DPT: variants seen among roughly 807,000 people sequenced by gnomAD.
The protein encoded by DPT is tyrosine-rich acidic matrix protein.
DPT carries 21 observed loss-of-function variants against 31.2 expected under a neutral mutation model. The observed-to-expected ratio is 0.67, with a 90% confidence interval of 0.48 to 0.97. The LOEUF (loss-of-function observed/expected upper bound fraction) is 0.97. Ranked by LOEUF, DPT falls within the 50% of genes least tolerant of loss-of-function variation. DPT has a pLI of 0.00. For synonymous variants in DPT, 91 were observed against 86.9 expected (o/e 1.05, Z -0.26); for missense variants, 262 against 258.8 (o/e 1.01, Z -0.08).
rs201706806 is a variant in DPT, at chr1:168,696,509, C to T, written c.*40G>A. ...ACATATGTGGACACCCTCCTGTCCCCGGCCCCTTTCCTTTCACCCAGATTT... is the reference window on the plus strand; with the variant it reads ...ACATATGTGGACACCCTCCTGTCCCTGGCCCCTTTCCTTTCACCCAGATTT... On this transcript the variant is annotated 3_prime_UTR_variant, in exon 4 of 4. Coordinates refer to ENST00000367817, the MANE Select transcript of DPT (RefSeq NM_001937.5). The T allele has an allele frequency of 1.2e-5, 19 of 1,586,132 alleles. No homozygotes were observed. The highest frequency in any genetic ancestry group is 1.3e-5 in the African/African-American group (1 of 74,188).
In DPT at chr1:168,701,038, G is replaced by A. The variant is rs148412326; in HGVS notation, c.518C>T (p.Thr173Ile). The change falls in exon 3 of 4, where the codon ACC becomes ATC. Residue 173 changes from threonine (T) to isoleucine (I), a missense_variant. Thr to Ile is a moderately conservative substitution (Grantham distance 89). Transcript: ENST00000367817. ...TCACCTTTCCACTGCAGAGAAAGTGGTTGTTGCTCCTCGGATATAGTAATC... is the reference window on the plus strand; with the variant it reads ...TCACCTTTCCACTGCAGAGAAAGTGATTGTTGCTCCTCGGATATAGTAATC... ...NYDYYIRGAT[T>I]TFSAVERDRQ... 4.3e-6 allele frequency: 7 copies of A among 1,613,538 alleles called. No homozygotes were observed. Among genetic ancestry groups the A allele is most frequent in the Non-Finnish European group, 5.9e-6 (7 of 1,179,750 alleles).
chr1:168,727,454 G>A (rs1650273970), intron 1 of DPT, among the ~76,000 whole-genome samples: 1 of 152,020 alleles, frequency 6.6e-6, no homozygotes, highest in South Asian at 2.1e-4. Flanking sequence ...CCACCCATCG[G>A]TGTTTCTTCC....
chr1:168,709,656 T>C (rs1450760530), intron 2 of DPT, among the ~76,000 whole-genome samples: 1 of 152,226 alleles, frequency 6.6e-6, no homozygotes, highest in Non-Finnish European at 1.5e-5. Flanking sequence ...GCGCTAGATA[T>C]TCACTTAGCT....
chr1:168,721,890 T>C (rs1297353769), intron 1 of DPT, among the ~76,000 whole-genome samples: 1 of 152,242 alleles, frequency 6.6e-6, no homozygotes, highest in Non-Finnish European at 1.5e-5. Context: ...AATTCTGCTG[T>C]CTTCTCCATG....
At chr1:168,723,433 T>G (rs1397365044) in intron 1 of DPT, among the ~76,000 whole-genome samples, 3 of 152,216 alleles carry the variant, frequency 2.0e-5, no homozygotes, top group Non-Finnish European at 1.5e-5. Flanking sequence ...CTGGGAAAGT[T>G]TGTGCTAATA....
chr1:168,702,333 G>A (rs1274348123), intron 2 of DPT, among the ~76,000 whole-genome samples: 1 of 152,176 alleles, frequency 6.6e-6, no homozygotes, highest in East Asian at 1.9e-4. Flanking sequence ...GGGCTCCTAG[G>A]AGGATCTCAG....
intron 1 of DPT, among the ~76,000 whole-genome samples, chr1:168,721,594 G>A (rs1650115481): frequency 6.6e-6 from 1 of 152,136 alleles, no homozygotes; most frequent in African/African-American, 2.4e-5. Context: ...ACATATCAGA[G>A]CACAAAAGGC....
In DPT at chr1:168,728,891, A is replaced by T. The variant is rs1650310252; in HGVS notation, c.284T>A (p.Ile95Asn). The part of the protein sequence containing the change: ...GEPTECWWEE[I>N]NRAGMEWYQT... ...TTACCATTCCATGCCAGCCCTGTTG[A>T]TCTCCTCCCACCAGCACTCCGTGGG... Residue 95 changes from isoleucine to asparagine, a missense_variant, in exon 1 of 4, where the codon ATC becomes AAC. By Grantham distance (149) the Ile-to-Asn change is moderately radical (BLOSUM62 -3). Transcript: ENST00000367817. The T allele has an allele frequency of 6.2e-7, 1 of 1,613,904 alleles. No individual in the cohort carries two copies. The highest frequency in any genetic ancestry group is 1.3e-5 in the African/African-American group (1 of 74,860).
In DPT at chr1:168,701,127, A is replaced by C. The variant is rs112405978; in HGVS notation, c.432-3T>G. ...GACCTGGATATTCTGTTGTTAGCCT[A>C]TGCAGGAAGAACAAAGGTTAGAGGA... On this transcript the variant is annotated splice_region_variant and splice_polypyrimidine_tract_variant and intron_variant, in intron 2 of 3. Transcript: ENST00000367817. The C allele has an allele frequency of 9.4e-6, 15 of 1,602,798 alleles. No homozygotes were observed. The highest frequency in any genetic ancestry group is 2.7e-5 in the African/African-American group (2 of 74,704).
chr1:168,712,229 G>C (rs140031533), intron 2 of DPT, among the ~76,000 whole-genome samples: 56 of 152,226 alleles, frequency 3.7e-4, no homozygotes, highest in Admixed American at 3.5e-3. Context: ...AGGCATCTAC[G>C]AAGGGCAGAG....
chr1:168,727,882 T>C (rs896906637), intron 1 of DPT, among the ~76,000 whole-genome samples: 7 of 152,070 alleles, frequency 4.6e-5, no homozygotes, highest in African/African-American at 1.7e-4. Flanking sequence ...CACTAAGTAC[T>C]TGTTGCCACA....
chr1:168,722,091 T>C (rs1391647088), intron 1 of DPT, among the ~76,000 whole-genome samples: 3 of 152,098 alleles, frequency 2.0e-5, no homozygotes, highest in African/African-American at 7.2e-5. Context: ...TCTGAGAAGA[T>C]CTAGATTATC....
At chr1:168,722,326 A>G (rs1650134513) in intron 1 of DPT, among the ~76,000 whole-genome samples, 2 of 152,086 alleles carry the variant, frequency 1.3e-5, no homozygotes, top group South Asian at 4.1e-4. Context: ...TATATGTTCC[A>G]AAAGCAAAAT....
At chr1:168,726,207 A>C (rs148989795) in intron 1 of DPT, among the ~76,000 whole-genome samples, 1 of 152,356 alleles carries the variant, frequency 6.6e-6, no homozygotes, top group East Asian at 1.9e-4. Flanking sequence ...ACACCCAAAA[A>C]TGCCGAGTAA....
rs1324481968 is a variant in DPT, at chr1:168,727,453, G to A, written c.305+1417C>T. On this transcript the variant is annotated intron_variant, in intron 1 of 3. Transcript: ENST00000367817. ...CTCTTTCCTGGCTCCCCCACCCATC[G>A]GTGTTTCTTCCTCTTGGATTTCCCA... 5.9e-5 allele frequency among the ~76,000 whole-genome samples: 9 copies of A among 152,140 alleles called. 1 individual carries two copies. The highest frequency in any genetic ancestry group is 1.9e-4 in the East Asian group (1 of 5,190).
At chr1:168,699,826 C>T (rs562532156) in intron 3 of DPT, among the ~76,000 whole-genome samples, 18 of 152,110 alleles carry the variant, frequency 1.2e-4, no homozygotes, top group Middle Eastern at 6.8e-3. Flanking sequence ...AAAAGTAGGC[C>T]AAACCAATCA....
chr1:168,710,423 G>A (rs1553202435), intron 2 of DPT, among the ~76,000 whole-genome samples: 1 of 152,112 alleles, frequency 6.6e-6, no homozygotes, highest in Non-Finnish European at 1.5e-5. Context: ...ACAGCAACAT[G>A]TCTGGATGGT....
At chr1:168,708,444 T>G (rs1374690066) in intron 2 of DPT, among the ~76,000 whole-genome samples, 1 of 152,230 alleles carries the variant, frequency 6.6e-6, no homozygotes. Context: ...GCAGAGCATC[T>G]AAACCCAATA....
chr1:168,722,592 C>T (rs1325957582), intron 1 of DPT, among the ~76,000 whole-genome samples: 2 of 152,162 alleles, frequency 1.3e-5, no homozygotes, highest in Admixed American at 6.5e-5. Context: ...CCACGATCAC[C>T]ATTTTACGTA....
Sources: gnomAD v4.1 joint callset for allele counts (sites outside exome capture counted in the v4.1 genomes callset) on GRCh38, gnomAD v4.1.1 for gene constraint, MANE v1.5 for transcripts, NCBI Gene and HGNC (gene_info 2026-07-23, HGNC 2026-07-21) for gene names.